Variants in PALM2AKAP2 observed in about 807,000 individuals in gnomAD.
PALM2AKAP2 encodes the protein PALM2 and AKAP2 fusion.
A neutral mutation model predicts 71.5 loss-of-function variants in PALM2AKAP2; 37 were observed. The observed-to-expected ratio is 0.52, with a 90% confidence interval of 0.40 to 0.68. PALM2AKAP2 has a LOEUF of 0.68. PALM2AKAP2 is among the 30% of genes least tolerant of loss of function. PALM2AKAP2 has a pLI of 0.00. For missense variants in PALM2AKAP2, 1,224 were observed against 1,191.8 expected, an observed-to-expected ratio of 1.03 and a Z score of -0.40; for synonymous variants, 468 against 478.8, an observed-to-expected ratio of 0.98 and a Z score of 0.29.
At chr9:109,791,710 C>T (rs1827116312) in intron 1 of PALM2AKAP2, among the ~76,000 whole-genome samples, 1 of 152,134 alleles carries the variant, frequency 6.6e-6, no homozygotes, top group Non-Finnish European at 1.5e-5. Context: ...GCTTTTGGGA[C>T]TGTGGTAGCC....
intron 1 of PALM2AKAP2, among the ~76,000 whole-genome samples, chr9:109,728,556 C>T (rs963377658): frequency 2.0e-5 from 3 of 152,192 alleles, no homozygotes; most frequent in South Asian, 2.1e-4. Flanking sequence ...GAAGCTTTGA[C>T]GAATCAGTCC....
chr9:110,161,257 C>G (rs1836586423), intron 3 of PALM2AKAP2, among the ~76,000 whole-genome samples: 1 of 152,154 alleles, frequency 6.6e-6, no homozygotes, highest in South Asian at 2.1e-4. Context: ...GTGATCCCAC[C>G]TAACTAGTCT....
intron 1 of PALM2AKAP2, among the ~76,000 whole-genome samples, chr9:110,095,462 T>G (rs34219358): frequency 0.033 from 4,970 of 152,182 alleles, 123 homozygotes; most frequent in African/African-American, 0.062. Flanking sequence ...GTGTTTTGGT[T>G]GGTGGTAATG....
intron 6 of PALM2AKAP2, among the ~76,000 whole-genome samples, chr9:110,005,548 A>G (rs895134500): frequency 6.6e-6 from 1 of 152,170 alleles, no homozygotes; most frequent in African/African-American, 2.4e-5. Flanking sequence ...TACTCTCTTC[A>G]AAGCTGTCAG....
At chr9:109,723,789 G>C (rs1225148086) in intron 1 of PALM2AKAP2, among the ~76,000 whole-genome samples, 4 of 152,234 alleles carry the variant, frequency 2.6e-5, no homozygotes, top group Non-Finnish European at 5.9e-5. Flanking sequence ...AATTCCTCCT[G>C]TGTGTAGGCT....
intron 6 of PALM2AKAP2, among the ~76,000 whole-genome samples, chr9:110,000,872 C>T (rs1018772488): frequency 1.3e-5 from 2 of 152,142 alleles, no homozygotes; most frequent in Non-Finnish European, 2.9e-5. Flanking sequence ...TTGTTTCTTT[C>T]TTGAAAATTT....
intron 6 of PALM2AKAP2, among the ~76,000 whole-genome samples, chr9:109,995,767 C>T (rs905666082): frequency 2.0e-5 from 3 of 152,178 alleles, no homozygotes; most frequent in Admixed American, 2.0e-4. Context: ...TGGGTGGGGA[C>T]ACTGCCAAAC....
At chr9:110,137,565 T>C (rs1277408990) in exon 2 of PALM2AKAP2, 1 of 1,614,188 alleles carries the variant, frequency 6.2e-7, no homozygotes, top group Non-Finnish European at 8.5e-7. Flanking sequence ...GCCCGGGCTG[T>C]CCTCACTGTG....
exon 2 of PALM2AKAP2, chr9:110,136,332 C>A: frequency 6.2e-7 from 1 of 1,614,168 alleles, no homozygotes; most frequent in Non-Finnish European, 8.5e-7. Flanking sequence ...TTCTATTCAC[C>A]CCCGCATAAT....
chr9:109,706,819 G>T (rs1431767526), intron 1 of PALM2AKAP2, among the ~76,000 whole-genome samples: 1 of 152,170 alleles, frequency 6.6e-6, no homozygotes, highest in Non-Finnish European at 1.5e-5. Flanking sequence ...CCTATATACT[G>T]TGTGATCCCA....
rs1390832377 is a variant in PALM2AKAP2 at position 109,983,867 on chromosome 9, A to T, written c.497-32087A>T. Among the ~76,000 whole-genome samples the T allele has an allele frequency of 3.9e-5, 6 of 152,196 alleles. No homozygotes were observed. The East Asian group carries it at 1.2e-3, about 29-fold the overall frequency. The stretch of plus-strand genomic sequence containing the variant: ...GCAATAGAGCCAGACCCTGACTTAA[A>T]AAAAAAAAGAAAAGAAAAGAAAAAA... On this transcript the variant is annotated intron_variant, in intron 6 of 9. Transcript: ENST00000302798.
chr9:109,978,531 G>A (rs56176091), intron 6 of PALM2AKAP2, among the ~76,000 whole-genome samples: 4,567 of 152,242 alleles, frequency 0.03, 123 homozygotes, highest in East Asian at 0.13. Flanking sequence ...GAGCATCTGC[G>A]TCTTCACTGG....
At chr9:109,834,353 T>C (rs756108732) in intron 1 of PALM2AKAP2, among the ~76,000 whole-genome samples, 5 of 152,252 alleles carry the variant, frequency 3.3e-5, no homozygotes, top group Non-Finnish European at 7.3e-5. Context: ...CCAGTTGGGA[T>C]TTAAGAAGCA....
chr9:109,720,152 C>A (rs750749329), intron 1 of PALM2AKAP2, among the ~76,000 whole-genome samples: 2 of 152,096 alleles, frequency 1.3e-5, no homozygotes, highest in Non-Finnish European at 2.9e-5. Context: ...CTGCGCCCAG[C>A]TAATTTTTGT....
At chr9:109,952,056 G>C (rs193204804) in intron 6 of PALM2AKAP2, among the ~76,000 whole-genome samples, 1 of 152,162 alleles carries the variant, frequency 6.6e-6, no homozygotes, top group East Asian at 1.9e-4. Flanking sequence ...CCTGGAACAG[G>C]GTCAGCATAG....
chr9:110,109,959 G>A (rs1751462667), intron 1 of PALM2AKAP2, among the ~76,000 whole-genome samples: 1 of 152,144 alleles, frequency 6.6e-6, no homozygotes, highest in African/African-American at 2.4e-5. Flanking sequence ...GGATTGGGGA[G>A]ATATTGGTCA....
At chr9:110,033,182 A>G (rs987767001) in intron 7 of PALM2AKAP2, among the ~76,000 whole-genome samples, 1 of 152,192 alleles carries the variant, frequency 6.6e-6, no homozygotes, top group Non-Finnish European at 1.5e-5. Flanking sequence ...CAAATATGAA[A>G]AAGTTTCTAA....
At chr9:109,651,873 T>C (rs1372320342) in intron 1 of PALM2AKAP2, among the ~76,000 whole-genome samples, 1 of 152,212 alleles carries the variant, frequency 6.6e-6, no homozygotes, top group Non-Finnish European at 1.5e-5. Flanking sequence ...TTTTATTTTA[T>C]TTAAAGAAAT....
At chr9:109,839,454 C>T (rs979948867) in intron 1 of PALM2AKAP2, among the ~76,000 whole-genome samples, 17 of 152,180 alleles carry the variant, frequency 1.1e-4, no homozygotes, top group African/African-American at 4.1e-4. Flanking sequence ...AAACTGGAAG[C>T]ATTCCCTTTG....
Sources: gnomAD v4.1 joint callset for allele counts (sites outside exome capture counted in the v4.1 genomes callset) on GRCh38, gnomAD v4.1.1 for gene constraint, MANE v1.5 for transcripts, NCBI Gene and HGNC (gene_info 2026-07-23, HGNC 2026-07-21) for gene names.